NXN: variants seen among roughly 807,000 people sequenced by gnomAD.
The protein encoded by NXN is nucleoredoxin.
A neutral mutation model predicts 48.6 loss-of-function variants in NXN; 16 were observed. The ratio of observed to expected loss-of-function variants is 0.33; its 90% confidence interval spans 0.22 to 0.50. The LOEUF (loss-of-function observed/expected upper bound fraction) is 0.50. Among genes scored for constraint, NXN ranks in the 20% least tolerant of loss-of-function variants. The pLI is 0.98. For synonymous variants in NXN, 281 were observed against 269.6 expected, an observed-to-expected ratio of 1.04 and a Z score of -0.41; for missense variants, 492 against 605.5, an observed-to-expected ratio of 0.81 and a Z score of 1.97.
rs555642957 is a variant in NXN at position 877,079 on chromosome 17, C to T, written c.361-51001G>A. Among the ~76,000 whole-genome samples the T allele has an allele frequency of 2.6e-5, 4 of 151,262 alleles. No individual in the cohort carries two copies. In the South Asian group the frequency reaches 8.4e-4, roughly 32 times the overall value. On this transcript the variant is annotated intron_variant, in intron 1 of 7. Coordinates refer to ENST00000336868, the MANE Select transcript of NXN (RefSeq NM_022463.5). Reference sequence around the variant, plus strand: ...TGGGTGACAGAGTGAAACTCTGTCTCGAAAACAAACAAAAAAACTAATTCT... The same window carrying T: ...TGGGTGACAGAGTGAAACTCTGTCTTGAAAACAAACAAAAAAACTAATTCT...
At chr17:815,497 ATGATGAGGG>A in intron 5 of NXN, among the ~76,000 whole-genome samples, 2 of 143,290 alleles carry the variant, frequency 1.4e-5, no homozygotes, top group Non-Finnish European at 1.5e-5. Flanking sequence ...TTCCATCCGT[ATGATGAGGG>A]CGAGTGTCCA....
In NXN at chr17:825,910, G is replaced by A. The variant is rs778943193; in HGVS notation, c.478+51C>T. ...ACGGAGATTAGCCTAAGGGCATGGA[G>A]GAGGGAGGGCTGGGTAATAAGAGGA... On this transcript the variant is annotated intron_variant, in intron 2 of 7. Coordinates refer to ENST00000336868, the MANE Select transcript of NXN (RefSeq NM_022463.5). This position sits in a 1 kb window ranked among gnomAD's most constrained non-coding sequence, Gnocchi z 4.1. 6 of 1,176,952 alleles carry A rather than the reference G, an allele frequency of 5.1e-6. No individual in the cohort carries two copies. Among genetic ancestry groups the A allele is most frequent in the African/African-American group, 3.0e-5 (2 of 66,074 alleles). 72.9% of individuals were successfully genotyped at this position (1,176,952 alleles called of 1,614,324 possible). A position where few individuals can be genotyped will look rare whatever the true frequency, so the allele number is the denominator to read the frequency against.
At position 849,051 on chromosome 17, in the gene NXN, G is replaced by C. The variant is rs1366879073; in HGVS notation, c.361-22973C>G. 1.3e-5 allele frequency among the ~76,000 whole-genome samples: 2 copies of C among 152,210 alleles called. No homozygotes were observed. The highest frequency in any genetic ancestry group is 4.8e-5 in the African/African-American group (2 of 41,460). ...GGTCTTCGCCTTCGAGAAAGGAAGG[G>C]AGCCTGTCTGGTATGTAACAGGCTC... is the stretch of plus-strand genomic sequence containing the variant. On this transcript the variant is annotated intron_variant, in intron 1 of 7. Coordinates refer to ENST00000336868, the MANE Select transcript of NXN (RefSeq NM_022463.5). This position sits in a 1 kb window ranked among gnomAD's most constrained non-coding sequence, Gnocchi z 4.2.
intron 5 of NXN, among the ~76,000 whole-genome samples, chr17:815,721 G>T (rs1360202559): frequency 1.3e-5 from 2 of 152,234 alleles, no homozygotes; most frequent in Non-Finnish European, 2.9e-5. Context: ...GCTCTGCAAA[G>T]CGCAGGGCCT....
chr17:934,875 AAAAAG>A (rs1327452256), intron 1 of NXN, among the ~76,000 whole-genome samples: 4 of 152,168 alleles, frequency 2.6e-5, no homozygotes, highest in African/African-American at 9.6e-5. Flanking sequence ...CCATCTCAAA[AAAAAG>A]AAAAGAAAGA....
intron 5 of NXN, among the ~76,000 whole-genome samples, chr17:810,214 G>A (rs1478620917): frequency 2.4e-5 from 3 of 126,336 alleles, no homozygotes; most frequent in African/African-American, 9.2e-5. Flanking sequence ...TGGCGTGCAC[G>A]TTACGAGTCC....
intron 1 of NXN, among the ~76,000 whole-genome samples, chr17:829,533 C>T (rs1192054335): frequency 1.3e-5 from 2 of 151,468 alleles, no homozygotes; most frequent in East Asian, 3.9e-4. Context: ...ATACATGTGC[C>T]ATGGTAGTTT....
rs748225079 is a variant in NXN at position 902,782 on chromosome 17, C to CTT, written c.360+76535_360+76536dup. On this transcript the variant is annotated intron_variant, in intron 1 of 7. Transcript: ENST00000336868. The stretch of plus-strand genomic sequence containing the variant: ...AACACAATGGCCTCTGCCCATCATT[C>CTT]TTTTTTTTTTTTTTTAAGACTGACT... Among the ~76,000 whole-genome samples, 1,234 of 138,074 alleles carry CTT rather than the reference C, an allele frequency of 8.9e-3. 16 individuals are homozygous for CTT. Among genetic ancestry groups the CTT allele is most frequent in the African/African-American group, 0.031 (1,161 of 37,514 alleles). 90.6% of individuals were successfully genotyped at this position (138,074 alleles called of 152,430 possible). A position where few individuals can be genotyped will look rare whatever the true frequency, so the allele number is the denominator to read the frequency against.
chr17:978,556 C>G lies in NXN; in HGVS notation c.360+763G>C, dbSNP rs1237461649. ...AGCTCTGCACAGCCCGGGCTGTTCC[C>G]GCGCCCGGGAGGCGTCTGGGGAGGA... is the stretch of plus-strand genomic sequence containing the variant. On this transcript the variant is annotated intron_variant, in intron 1 of 7. Coordinates refer to ENST00000336868, the MANE Select transcript of NXN (RefSeq NM_022463.5). This position sits in a 1 kb window ranked among gnomAD's most constrained non-coding sequence, Gnocchi z 4.1. 6.6e-6 allele frequency: 1 copy of G among 152,420 alleles called. No individual in the cohort carries two copies. Among genetic ancestry groups the G allele is most frequent in the East Asian group, 1.9e-4 (1 of 5,202 alleles). 9.4% of individuals were successfully genotyped at this position (152,420 alleles called of 1,614,324 possible). A position where few individuals can be genotyped will look rare whatever the true frequency, so the allele number is the denominator to read the frequency against.
At chr17:824,769 G>A (rs138201960) in intron 2 of NXN, among the ~76,000 whole-genome samples, 3 of 152,306 alleles carry the variant, frequency 2.0e-5, no homozygotes, top group East Asian at 1.9e-4. Flanking sequence ...TTGAGAATAC[G>A]CTTCCCGCTC....
chr17:879,993 G>A (rs1447034826), intron 1 of NXN: 2 of 152,192 alleles, frequency 1.3e-5, no homozygotes, highest in African/African-American at 2.4e-5. Flanking sequence ...GAACCTCGGA[G>A]CCATGTGGTT....
chr17:835,232 C>T (rs1256418811), intron 1 of NXN, among the ~76,000 whole-genome samples: 17 of 150,588 alleles, frequency 1.1e-4, no homozygotes, highest in Admixed American at 1.1e-3. Flanking sequence ...GGCGTGAACC[C>T]AGGAGGCGGA....
At chr17:831,340 A>G (rs114903183) in intron 1 of NXN, among the ~76,000 whole-genome samples, 58,873 of 151,738 alleles carry the variant, frequency 0.39, 11,731 homozygotes, top group East Asian at 0.51. Context: ...AAGAGGATGT[A>G]TATAGGTTAT....
intron 5 of NXN, among the ~76,000 whole-genome samples, chr17:812,878 G>C (rs1402652154): frequency 6.7e-6 from 1 of 148,246 alleles, no homozygotes; most frequent in Admixed American, 6.7e-5. Flanking sequence ...GTGGGTGTGT[G>C]CGCACATGTG....
intron 1 of NXN, among the ~76,000 whole-genome samples, chr17:850,640 G>A (rs548851498): frequency 6.2e-4 from 94 of 152,260 alleles, no homozygotes; most frequent in African/African-American, 2.0e-3. Flanking sequence ...GGGGGGCGGC[G>A]TGGGGGCCCC....
chr17:902,336 C>T (rs1018234805), intron 1 of NXN, among the ~76,000 whole-genome samples: 8 of 152,320 alleles, frequency 5.3e-5, no homozygotes, highest in Non-Finnish European at 8.8e-5. Flanking sequence ...CACGAGGATC[C>T]GTGAGGTTGA....
rs547382717 is a variant in NXN, at chr17:959,045, G to A, written c.360+20274C>T. ...GGAGCCGAGGGACCATGGTGGCCGC[G>A]GTGTGGTCACTGATGAGGTTCCTCA... On this transcript the variant is annotated intron_variant, in intron 1 of 7. Coordinates refer to ENST00000336868, the MANE Select transcript of NXN (RefSeq NM_022463.5). 61 of 270,330 alleles carry A rather than the reference G, an allele frequency of 2.3e-4. No individual in the cohort carries two copies. In the East Asian group the frequency reaches 2.4e-3, roughly 10 times the overall value. The allele number at this position is 270,330 out of a possible 1,614,324, so 16.7% of individuals were successfully genotyped here.
At chr17:859,658 C>T (rs954570045) in intron 1 of NXN, among the ~76,000 whole-genome samples, 6 of 152,182 alleles carry the variant, frequency 3.9e-5, no homozygotes, top group South Asian at 2.1e-4. Flanking sequence ...ACCTGTTTCA[C>T]GGATCCCAGA....
At chr17:889,751 GAAAGAAAGAA>G (rs1362542934) in intron 1 of NXN, among the ~76,000 whole-genome samples, 10,359 of 83,984 alleles carry the variant, frequency 0.12, 632 homozygotes, top group Middle Eastern at 0.18. Context: ...AAGAAAGAAA[GAAAGAAAGAA>G]AAAGAAAGAA....
Sources: allele counts gnomAD v4.1 joint callset (sites outside exome capture counted in the v4.1 genomes callset), GRCh38; gene constraint gnomAD v4.1.1; non-coding constraint Gnocchi (gnomAD v3.1); transcripts MANE v1.5; gene names NCBI Gene and HGNC (gene_info 2026-07-23, HGNC 2026-07-21).